SMARCA4: variants seen among roughly 807,000 people sequenced by gnomAD.
The protein encoded by SMARCA4 is SWI/SNF related BAF chromatin remodeling complex subunit ATPase 4.
SMARCA4 carries 31 observed loss-of-function variants against 193.9 expected under a neutral mutation model. The observed-to-expected ratio is 0.16, with a 90% CI of 0.12 to 0.22. The LOEUF is 0.22. SMARCA4 is among the 10% of genes least tolerant of loss of function. The pLI is 1.00. For synonymous variants in SMARCA4, 942 were observed against 933.1 expected (o/e 1.01, Z -0.17); for missense variants, 1,148 against 2,296.0 (o/e 0.50, Z 10.22).
At chr19:11,056,640 G>A (rs139591415) in intron 30 of SMARCA4, among the ~76,000 whole-genome samples, 1 of 152,294 alleles carries the variant, frequency 6.6e-6, no homozygotes, top group Non-Finnish European at 1.5e-5. Context: ...AGCAGGGGAT[G>A]ATGGCGGTTG....
intron 14 of SMARCA4, among the ~76,000 whole-genome samples, chr19:11,009,983 C>G (rs2088661139): frequency 1.3e-5 from 2 of 152,074 alleles, no homozygotes; most frequent in Admixed American, 1.3e-4. Context: ...GCCACTGTGC[C>G]CAGCCTAATT....
intron 24 of SMARCA4, among the ~76,000 whole-genome samples, chr19:11,028,674 T>G (rs1015284486): frequency 2.6e-5 from 4 of 152,226 alleles, no homozygotes; most frequent in Non-Finnish European, 4.4e-5. Context: ...CGCCTGTGTT[T>G]CTGCGCCTGC....
chr19:10,986,424 C>G lies in SMARCA4; in HGVS notation c.591C>G (p.Pro197=), dbSNP rs572753619. 6.3e-7 allele frequency: 1 copy of G among 1,575,496 alleles called. No homozygotes were observed. Among genetic ancestry groups the G allele is most frequent in the Non-Finnish European group, 8.6e-7 (1 of 1,161,244 alleles). ...TGCTGGCCAGGGGGCAGCCCCTCCC[C>G]GACCACCTGCAGATGGCGGTGCAGG... ...YKMLARGQPL[P]DHLQMAVQGK... is the part of the protein sequence containing the mutation. Residue 197 remains proline, a synonymous_variant, in exon 4 of 35, where the codon CCC becomes CCG. Coordinates refer to ENST00000344626, the MANE Select transcript of SMARCA4 (RefSeq NM_003072.5). The surrounding 1 kb of genome is among the most constrained non-coding windows in gnomAD (Gnocchi z 6.7).
intron 20 of SMARCA4, 100 bp downstream of exon 20, chr19:11,023,731 T>A: frequency 2.6e-6 from 2 of 758,754 alleles, no homozygotes; most frequent in East Asian, 5.3e-5. Flanking sequence ...GTCCCAGGCC[T>A]GCCCTGGTCA....
intron 21 of SMARCA4, among the ~76,000 whole-genome samples, chr19:11,024,877 G>A (rs2090136300): frequency 6.6e-6 from 1 of 151,946 alleles, no homozygotes; most frequent in African/African-American, 2.4e-5. Context: ...TGCCCCCAAG[G>A]CCTTGACCTC....
chr19:10,996,459 G>A (rs2087055820), intron 10 of SMARCA4, 35 bp from the exon 11 acceptor site: 4 of 1,614,070 alleles, frequency 2.5e-6, no homozygotes, highest in Non-Finnish European at 3.4e-6. Context: ...CAGCCTTGTG[G>A]GTCAGGGCCT....
intron 9 of SMARCA4, chr19:10,995,510 G>C (rs1241014485): frequency 1.3e-5 from 6 of 456,326 alleles, no homozygotes; most frequent in Non-Finnish European, 2.6e-5. Context: ...ACAGTGAGGA[G>C]GGGGAAGTGG....
intron 9 of SMARCA4, 133 bp from the exon 10 acceptor site, chr19:10,996,080 T>G: frequency 5.8e-6 from 5 of 863,558 alleles, no homozygotes; most frequent in Non-Finnish European, 1.0e-5. Flanking sequence ...TCGATTGCCG[T>G]GTGAAGGGCT....
At chr19:11,060,290 T>A in intron 34 of SMARCA4, 103 bp downstream of exon 34, 1 of 1,386,406 alleles carries the variant, frequency 7.2e-7, no homozygotes, top group Non-Finnish European at 1.0e-6. Flanking sequence ...GCCCCCACGC[T>A]GCAGGTGGGA....
chr19:11,051,180 G>A lies in SMARCA4; in HGVS notation c.4425-7075G>A, dbSNP rs1483516500. On this transcript the variant is annotated intron_variant, in intron 30 of 34. Coordinates refer to ENST00000344626, the MANE Select transcript of SMARCA4 (RefSeq NM_003072.5). ...CTCCCCCTCCTCTGTTTGTGAGTCG[G>A]GCCCTACCCCCAAGTCTCCCCCTCA... 3.3e-5 allele frequency among the ~76,000 whole-genome samples: 5 copies of A among 152,334 alleles called. No homozygotes were observed. The East Asian group carries it at 5.8e-4, about 18-fold the overall frequency.
intron 34 of SMARCA4, among the ~76,000 whole-genome samples, chr19:11,061,188 T>TAAAAAA (rs140377414): frequency 1.3e-4 from 9 of 68,846 alleles, no homozygotes; most frequent in African/African-American, 6.6e-4. Context: ...ACCCTGTCTT[T>TAAAAAA]AAAAAAAAAA....
At position 11,027,771 on chromosome 19, in the gene SMARCA4, C is replaced by T. The variant is rs1415273981; in HGVS notation, c.3216-13C>T. On this transcript the variant is annotated splice_polypyrimidine_tract_variant and intron_variant, in intron 23 of 34. Transcript: ENST00000344626. Reference sequence around the variant, plus strand: ...CATCCTGCGCCTTCTCTCCTGCCTCCTCCACACTCCAGGCTGGACCTGTAC... The same window carrying T: ...CATCCTGCGCCTTCTCTCCTGCCTCTTCCACACTCCAGGCTGGACCTGTAC... 1.2e-6 allele frequency: 2 copies of T among 1,613,980 alleles called. No individual in the cohort carries two copies. Among genetic ancestry groups the T allele is most frequent in the Non-Finnish European group, 1.7e-6 (2 of 1,180,022 alleles).
chr19:11,002,706 T>A (rs538633910), intron 11 of SMARCA4, among the ~76,000 whole-genome samples: 2 of 149,530 alleles, frequency 1.3e-5, no homozygotes, highest in African/African-American at 4.9e-5. Context: ...AGGCAGAGAA[T>A]TGCTTGAACC....
chr19:11,044,078 C>T (rs1250624996), intron 30 of SMARCA4, among the ~76,000 whole-genome samples: 1 of 152,132 alleles, frequency 6.6e-6, no homozygotes, highest in Non-Finnish European at 1.5e-5. Context: ...GTGAGGGAAA[C>T]TTAACATTAC....
chr19:10,986,742 T>G lies in SMARCA4; in HGVS notation c.760+149T>G. On this transcript the variant is annotated intron_variant, in intron 4 of 34. Coordinates refer to ENST00000344626, the MANE Select transcript of SMARCA4 (RefSeq NM_003072.5). The surrounding 1 kb of genome is among the most constrained non-coding windows in gnomAD (Gnocchi z 6.7). Reference sequence around the variant, plus strand: ...ACTGCACTTCTGGGTGCTCGGGTGGTGGGGGCAGCTAAATGCTGCTTCCCC... The same window carrying G: ...ACTGCACTTCTGGGTGCTCGGGTGGGGGGGGCAGCTAAATGCTGCTTCCCC... 7.6e-7 allele frequency: 1 copy of G among 1,317,722 alleles called. No individual in the cohort carries two copies. The highest frequency in any genetic ancestry group is 2.5e-5 in the East Asian group (1 of 40,004). The allele number at this position is 1,317,722 out of a possible 1,614,324, so 81.6% of individuals were successfully genotyped here. A position where few individuals can be genotyped will look rare whatever the true frequency, so the allele number is the denominator to read the frequency against.
chr19:11,010,805 C>CCT, intron 15 of SMARCA4: 2 of 492,300 alleles, frequency 4.1e-6, no homozygotes, highest in Non-Finnish European at 7.6e-6. Flanking sequence ...ACTCCAGTGG[C>CCT]CTCACAGAGG....
intron 30 of SMARCA4, among the ~76,000 whole-genome samples, chr19:11,046,177 T>C (rs972208151): frequency 4.6e-5 from 7 of 151,270 alleles, no homozygotes; most frequent in Middle Eastern, 6.8e-3. Context: ...GAGCCGAGAT[T>C]GTGCCACTGC....
intron 30 of SMARCA4, among the ~76,000 whole-genome samples, chr19:11,054,286 C>G (rs901054806): frequency 6.6e-6 from 1 of 152,200 alleles, no homozygotes; most frequent in Non-Finnish European, 1.5e-5. Context: ...CCCAGATGCC[C>G]GGCAGCGGGA....
intron 6 of SMARCA4, among the ~76,000 whole-genome samples, 161 bp downstream of exon 6, chr19:10,988,085 C>T (rs1055952768): frequency 1.3e-5 from 2 of 152,276 alleles, no homozygotes; most frequent in Admixed American, 6.5e-5. Context: ...CCCACCCTGG[C>T]TGCGGTCTGT....
Sources: gnomAD v4.1 joint callset for allele counts (sites outside exome capture counted in the v4.1 genomes callset) on GRCh38, gnomAD v4.1.1 for gene constraint, Gnocchi (gnomAD v3.1) non-coding constraint, MANE v1.5 for transcripts, NCBI Gene and HGNC (gene_info 2026-07-23, HGNC 2026-07-21) for gene names.